Variants in AFG2A observed in about 807,000 individuals in gnomAD.
The protein encoded by AFG2A is AAA ATPase AFG2A, also known as ATPase family gene 2 protein homolog A.
At chr4:122,984,289 A>G in the AFG2A span, among the ~76,000 whole-genome samples, 12 of 152,140 alleles carry the variant, frequency 7.9e-5, no homozygotes, top group African/African-American at 2.9e-4. Context: ...ACTGATTTGT[A>G]TACATTAGTC....
At chr4:122,944,084 T>C in the AFG2A span, among the ~76,000 whole-genome samples, 4 of 152,200 alleles carry the variant, frequency 2.6e-5, no homozygotes, top group Non-Finnish European at 4.4e-5. Flanking sequence ...TCCTTCATTT[T>C]AACTTTGGTG....
chr4:123,060,907 C>T, the AFG2A span, among the ~76,000 whole-genome samples: 1 of 152,156 alleles, frequency 6.6e-6, no homozygotes, highest in Non-Finnish European at 1.5e-5. Context: ...GAAATTTCTT[C>T]CACCAGATAT....
At chr4:122,952,922 T>C in the AFG2A span, among the ~76,000 whole-genome samples, 1 of 152,144 alleles carries the variant, frequency 6.6e-6, no homozygotes, top group Non-Finnish European at 1.5e-5. Context: ...AACATGTGCA[T>C]ACATTGGGGG....
chr4:122,941,749 A>G, the AFG2A span, among the ~76,000 whole-genome samples: 2 of 151,568 alleles, frequency 1.3e-5, no homozygotes, highest in African/African-American at 4.8e-5. Context: ...TTGCCTATTC[A>G]GTATGATACT....
chr4:123,087,206 G>A, the AFG2A span, among the ~76,000 whole-genome samples: 2 of 152,148 alleles, frequency 1.3e-5, no homozygotes, highest in South Asian at 2.1e-4. Context: ...TAAGGTGTTG[G>A]GGGGAGTATG....
At chr4:123,057,427 A>G in the AFG2A span, 1 of 810,122 alleles carries the variant, frequency 1.2e-6, no homozygotes, top group South Asian at 1.9e-5. Flanking sequence ...AGTTTTTGTA[A>G]TTTTTTCCTC....
chr4:123,240,116 A>T, the AFG2A span, among the ~76,000 whole-genome samples: 1 of 152,234 alleles, frequency 6.6e-6, no homozygotes, highest in Non-Finnish European at 1.5e-5. Flanking sequence ...TCAATTCAAC[A>T]AGAAGAGCTA....
chr4:123,200,784 A>T, the AFG2A span, among the ~76,000 whole-genome samples: 1 of 152,250 alleles, frequency 6.6e-6, no homozygotes, highest in Non-Finnish European at 1.5e-5. Flanking sequence ...TAGCTGTGAC[A>T]AGATGTCAGT....
chr4:123,290,531 T>C, the AFG2A span, among the ~76,000 whole-genome samples: 2 of 152,196 alleles, frequency 1.3e-5, no homozygotes, highest in African/African-American at 4.8e-5. Flanking sequence ...ACACTGCTGA[T>C]AAAGACATAC....
chr4:123,165,868 A>G, the AFG2A span, among the ~76,000 whole-genome samples: 2 of 152,220 alleles, frequency 1.3e-5, no homozygotes, highest in African/African-American at 4.8e-5. Context: ...TTGGGGGGAA[A>G]ATCAAATTTA....
the AFG2A span, among the ~76,000 whole-genome samples, chr4:122,987,304 T>C: frequency 7.9e-5 from 12 of 152,290 alleles, no homozygotes; most frequent in Admixed American, 1.3e-4. Context: ...GCATATAGAA[T>C]ACTTTAAATT....
the AFG2A span, among the ~76,000 whole-genome samples, chr4:123,012,977 C>A: frequency 6.6e-6 from 1 of 152,136 alleles, no homozygotes; most frequent in Non-Finnish European, 1.5e-5. Context: ...GAAGACACCA[C>A]CAAACAGGCT....
At chr4:123,017,710 C>A in the AFG2A span, among the ~76,000 whole-genome samples, 3 of 151,834 alleles carry the variant, frequency 2.0e-5, no homozygotes, top group Non-Finnish European at 4.4e-5. Flanking sequence ...AGTGTATGAC[C>A]CCACAAAGAA....
chr4:123,197,799 A>G, the AFG2A span, among the ~76,000 whole-genome samples: 3 of 152,168 alleles, frequency 2.0e-5, no homozygotes, highest in South Asian at 2.1e-4. Flanking sequence ...ATAAATAAGC[A>G]TACATACTTT....
the AFG2A span, among the ~76,000 whole-genome samples, chr4:123,127,485 T>G: frequency 6.6e-6 from 1 of 152,162 alleles, no homozygotes; most frequent in Non-Finnish European, 1.5e-5. Flanking sequence ...GTAAATACAT[T>G]TCAAAGCTCT....
the AFG2A span, among the ~76,000 whole-genome samples, chr4:123,125,772 G>A: frequency 6.6e-6 from 1 of 152,092 alleles, no homozygotes; most frequent in Non-Finnish European, 1.5e-5. Context: ...ACAAAAATCT[G>A]AATCCAGTCC....
At chr4:123,180,049 A>G in the AFG2A span, among the ~76,000 whole-genome samples, 3 of 151,962 alleles carry the variant, frequency 2.0e-5, no homozygotes, top group Admixed American at 6.6e-5. Flanking sequence ...GTGAAATCTC[A>G]TCTTTACTGA....
chr4:123,121,203 A>G, the AFG2A span, among the ~76,000 whole-genome samples: 1 of 151,636 alleles, frequency 6.6e-6, no homozygotes, highest in Non-Finnish European at 1.5e-5. Flanking sequence ...GTGCAGCTGT[A>G]TAACATGTTG....
chr4:123,051,600 T>G, the AFG2A span, among the ~76,000 whole-genome samples: 1 of 149,062 alleles, frequency 6.7e-6, no homozygotes, highest in African/African-American at 2.4e-5. Context: ...CTGATTAGCC[T>G]TTTTTATAGG....
Sources: gnomAD v4.1 joint callset for allele counts (sites outside exome capture counted in the v4.1 genomes callset) on GRCh38, gnomAD v4.1.1 for gene constraint, MANE v1.5 for transcripts, NCBI Gene and HGNC (gene_info 2026-07-23, HGNC 2026-07-21) for gene names.